LATS1: variants seen among roughly 807,000 people sequenced by gnomAD.
The protein encoded by LATS1 is large tumor suppressor kinase 1, also known as serine/threonine-protein kinase LATS1.
In LATS1, 25 loss-of-function variants were observed where a neutral mutation model predicts 106.6. The ratio of observed to expected loss-of-function variants is 0.23; its 90% CI spans 0.17 to 0.33. LATS1 has a LOEUF of 0.33. Among genes scored for constraint, LATS1 ranks in the 10% least tolerant of loss-of-function variants. LATS1 has a pLI of 1.00. For missense variants in LATS1, 1,040 were observed against 1,382.6 expected, an observed-to-expected ratio of 0.75 and a Z score of 3.93; for synonymous variants, 465 against 455.6, an observed-to-expected ratio of 1.02 and a Z score of -0.26.
At chr6:149,697,205 G>A in intron 2 of LATS1, 1 of 1,163,808 alleles carries the variant, frequency 8.6e-7, no homozygotes, top group African/African-American at 1.6e-5. Context: ...AATGATAAGA[G>A]AAGAATGTGA....
chr6:149,662,535 A>AATT (rs1780929507), intron 7 of LATS1, among the ~76,000 whole-genome samples: 1 of 152,124 alleles, frequency 6.6e-6, no homozygotes, highest in African/African-American at 2.4e-5. Context: ...TATTTCTAAT[A>AATT]GCTTGTGGTA....
chr6:149,663,889 C>T (rs1286250871), intron 7 of LATS1, among the ~76,000 whole-genome samples: 1 of 150,976 alleles, frequency 6.6e-6, no homozygotes, highest in Non-Finnish European at 1.5e-5. Context: ...CTCATTGCAA[C>T]CTCTGCCTCC....
Position 149,683,523 on chromosome 6 carries a change from C to T in LATS1, c.1566G>A (p.Gln522=), listed in dbSNP as rs945990363. The part of the protein sequence containing the change: ...LAPTHPSWIP[Q]PIQTVQPSPF... Reference sequence around the variant, plus strand: ...GACTGGGTTGAACAGTTTGAATTGGCTGTGGTATCCAAGAAGGGTGTGTAG... The same window carrying T: ...GACTGGGTTGAACAGTTTGAATTGGTTGTGGTATCCAAGAAGGGTGTGTAG... The change falls in exon 4 of 8, where the codon CAG becomes CAA. Residue 522 remains glutamine, a synonymous_variant. Coordinates refer to ENST00000543571, the MANE Select transcript of LATS1 (RefSeq NM_004690.4). 3 of 1,614,202 alleles carry T rather than the reference C, an allele frequency of 1.9e-6. No homozygotes were observed. Among genetic ancestry groups the T allele is most frequent in the East Asian group, 2.2e-5 (1 of 44,894 alleles).
At chr6:149,705,177 G>T (rs972477020) in intron 1 of LATS1, among the ~76,000 whole-genome samples, 7 of 151,478 alleles carry the variant, frequency 4.6e-5, no homozygotes, top group Non-Finnish European at 8.8e-5. Context: ...TAATTATTTT[G>T]TAAATGAAAT....
chr6:149,686,826 C>G (rs1242603506), intron 3 of LATS1, among the ~76,000 whole-genome samples: 2 of 152,170 alleles, frequency 1.3e-5, no homozygotes, highest in African/African-American at 2.4e-5. Context: ...TGCCTTCATC[C>G]TGTAACCTCA....
At chr6:149,700,585 G>GAT (rs925617886) in intron 2 of LATS1, among the ~76,000 whole-genome samples, 1 of 151,698 alleles carries the variant, frequency 6.6e-6, no homozygotes, top group African/African-American at 2.4e-5. Flanking sequence ...ATTAAATACA[G>GAT]ATATATATGG....
At chr6:149,706,693 C>T (rs1783792001) in intron 1 of LATS1, among the ~76,000 whole-genome samples, 1 of 152,060 alleles carries the variant, frequency 6.6e-6, no homozygotes, top group Non-Finnish European at 1.5e-5. Flanking sequence ...AGGTCTGATT[C>T]ACACAGAAAA....
rs768382660 is a variant in LATS1, at chr6:149,682,901, T to C, written c.2010+178A>G. 10 of 589,452 alleles carry C rather than the reference T, an allele frequency of 1.7e-5. No individual in the cohort carries two copies. In the East Asian group the frequency reaches 3.0e-4, roughly 18 times the overall value. 36.5% of individuals were successfully genotyped at this position (589,452 alleles called of 1,614,324 possible). A position where few individuals can be genotyped will look rare whatever the true frequency, so the allele number is the denominator to read the frequency against. On this transcript the variant is annotated intron_variant, in intron 4 of 7. Transcript: ENST00000543571. Reference sequence around the variant, plus strand: ...AAATTCTGAATAAATATTGAAATACTAAAATAAAATGCTACAATCAAAAGT... The same window carrying C: ...AAATTCTGAATAAATATTGAAATACCAAAATAAAATGCTACAATCAAAAGT...
chr6:149,683,873 G>A lies in LATS1; in HGVS notation c.1216C>T (p.Pro406Ser), dbSNP rs762784386. 1.9e-6 allele frequency: 3 copies of A among 1,613,956 alleles called. No homozygotes were observed. Among genetic ancestry groups the A allele is most frequent in the East Asian group, 4.5e-5 (2 of 44,898 alleles). The change falls in exon 4 of 8, where the codon CCT becomes TCT. Residue 406 changes from proline (P) to serine (S), a missense_variant. Pro to Ser is a moderately conservative substitution (Grantham distance 74, BLOSUM62 -1). Around this residue, in one of 7 missense-constraint regions of LATS1, gnomAD observed 624 missense variants for 714.8 expected, o/e 0.87. Transcript: ENST00000543571. The stretch of plus-strand genomic sequence containing the variant: ...CTGTTTGGCACCATCATAGACTGAG[G>A]AATACTTCCATTTGTATATGACGAA... ...APSSYTNGSIPQSMMVPNRNS... is the reference protein window; with the variant it reads ...APSSYTNGSISQSMMVPNRNS...
chr6:149,663,820 T>G (rs1049162062), intron 7 of LATS1, among the ~76,000 whole-genome samples: 1 of 152,076 alleles, frequency 6.6e-6, no homozygotes, highest in African/African-American at 2.4e-5. Context: ...CAATTTTTTT[T>G]TTTTTTTGAA....
intron 4 of LATS1, among the ~76,000 whole-genome samples, chr6:149,682,170 C>A (rs1282995414): frequency 6.6e-6 from 1 of 151,240 alleles, no homozygotes; most frequent in Non-Finnish European, 1.5e-5. Context: ...TGTGGAATGA[C>A]AACACAGATT....
chr6:149,711,446 A>C (rs1047332843), intron 1 of LATS1, among the ~76,000 whole-genome samples: 2 of 152,180 alleles, frequency 1.3e-5, no homozygotes, highest in African/African-American at 4.8e-5. Flanking sequence ...CAGGAGGCTG[A>C]GGCAGAAGAA....
chr6:149,715,205 A>G (rs1784318470), intron 1 of LATS1, among the ~76,000 whole-genome samples: 1 of 147,830 alleles, frequency 6.8e-6, no homozygotes, highest in Non-Finnish European at 1.5e-5. Flanking sequence ...AGTAGCTGGG[A>G]CTACAGACCC....
intron 1 of LATS1, among the ~76,000 whole-genome samples, chr6:149,715,571 A>G (rs973221697): frequency 6.6e-6 from 1 of 152,234 alleles, no homozygotes; most frequent in Non-Finnish European, 1.5e-5. Context: ...ATATACATAT[A>G]GCATATTCCT....
intron 3 of LATS1, 80 bp downstream of exon 3, chr6:149,694,994 A>G: frequency 8.5e-7 from 1 of 1,177,130 alleles, no homozygotes; most frequent in Non-Finnish European, 1.2e-6. Context: ...ATTTCTAAGA[A>G]GGAAGATTTG....
In LATS1 at chr6:149,671,760, A is replaced by G. The variant is rs897859310; in HGVS notation, c.2883+4500T>C. On this transcript the variant is annotated intron_variant, in intron 7 of 7. Transcript: ENST00000543571. ...ATTGACTCACCTATATCTACAAAAA[A>G]TCCTGTTGAGATTTTGACTGGAGGT... is the stretch of plus-strand genomic sequence containing the variant. Among the ~76,000 whole-genome samples, 4 of 152,032 alleles carry G rather than the reference A, an allele frequency of 2.6e-5. 1 individual carries two copies. The highest frequency in any genetic ancestry group is 9.7e-5 in the African/African-American group (4 of 41,284).
At chr6:149,686,646 G>A (rs1337316663) in intron 3 of LATS1, among the ~76,000 whole-genome samples, 1 of 152,138 alleles carries the variant, frequency 6.6e-6, no homozygotes, top group African/African-American at 2.4e-5. Flanking sequence ...CCTAAAGATG[G>A]GGTTCTAACA....
In LATS1 at chr6:149,662,162, TTAA is replaced by T. The variant is rs758808789; in HGVS notation, c.2957_2959del (p.Ile986del). ...GCGATCTTCGGGTCCTCGGCAAAGT[TTAA>T]TAATAAGATCAGAAGCTTCAGGACT... On this transcript the variant is annotated inframe_deletion, in exon 8 of 8. Transcript: ENST00000543571. 2 of 1,613,978 alleles carry T rather than the reference TTAA, an allele frequency of 1.2e-6. No individual in the cohort carries two copies. The highest frequency in any genetic ancestry group is 8.5e-7 in the Non-Finnish European group (1 of 1,180,008).
chr6:149,687,699 C>T (rs1467718984), intron 3 of LATS1, among the ~76,000 whole-genome samples: 1 of 151,960 alleles, frequency 6.6e-6, no homozygotes, highest in Non-Finnish European at 1.5e-5. Flanking sequence ...TCCCAAAATG[C>T]TAGGATTATA....
Sources: gnomAD v4.1 joint callset for allele counts (sites outside exome capture counted in the v4.1 genomes callset) on GRCh38, gnomAD v4.1.1 for gene constraint, gnomAD v4.1.1 regional missense constraint, MANE v1.5 for transcripts, NCBI Gene and HGNC (gene_info 2026-07-23, HGNC 2026-07-21) for gene names.